ARID2: variants seen among roughly 807,000 people sequenced by gnomAD.
The protein encoded by ARID2 is AT-rich interactive domain-containing protein 2.
A neutral mutation model predicts 184.6 loss-of-function variants in ARID2; 32 were observed. That is an observed-to-expected ratio of 0.17 (90% CI 0.13 to 0.23). The LOEUF (loss-of-function observed/expected upper bound fraction) is 0.23. Ranked by LOEUF, ARID2 falls within the 10% of genes least tolerant of loss-of-function variation. ARID2 has a pLI of 1.00. For synonymous variants in ARID2, 836 were observed against 772.6 expected, an observed-to-expected ratio of 1.08 and a Z score of -1.36; for missense variants, 1,696 against 2,197.6, an observed-to-expected ratio of 0.77 and a Z score of 4.56.
intron 3 of ARID2, among the ~76,000 whole-genome samples, chr12:45,774,047 T>C (rs1348748981): frequency 4.6e-5 from 7 of 152,180 alleles, no homozygotes; most frequent in Admixed American, 4.6e-4. Flanking sequence ...GTAACTAGTT[T>C]ATAAAACTTT....
At chr12:45,858,316 A>T (rs1396881486) in intron 15 of ARID2, among the ~76,000 whole-genome samples, 1 of 152,040 alleles carries the variant, frequency 6.6e-6, no homozygotes, top group African/African-American at 2.4e-5. Flanking sequence ...AACTGTGATC[A>T]CGCCATTGCA....
At chr12:45,801,044 T>C (rs1942488407) in intron 3 of ARID2, among the ~76,000 whole-genome samples, 1 of 152,018 alleles carries the variant, frequency 6.6e-6, no homozygotes. Flanking sequence ...AAAAATTACT[T>C]TCTCACGCCT....
chr12:45,766,982 A>C (rs924717988), intron 3 of ARID2, among the ~76,000 whole-genome samples: 2 of 152,080 alleles, frequency 1.3e-5, no homozygotes, highest in East Asian at 1.9e-4. Flanking sequence ...ACAAAACAAA[A>C]AACAACAACA....
At chr12:45,899,741 T>TA (rs1565645015) in intron 20 of ARID2, among the ~76,000 whole-genome samples, 10 of 105,104 alleles carry the variant, frequency 9.5e-5, no homozygotes, top group Non-Finnish European at 2.1e-4. Context: ...ATATATGGTT[T>TA]TATATATATA....
chr12:45,747,923 A>G (rs1010986186), intron 3 of ARID2, among the ~76,000 whole-genome samples: 8 of 152,162 alleles, frequency 5.3e-5, no homozygotes, highest in African/African-American at 1.9e-4. Context: ...CATGCCTGAG[A>G]GATGCTGTGG....
At chr12:45,892,757 G>T (rs769335733) in intron 18 of ARID2, among the ~76,000 whole-genome samples, 6 of 151,952 alleles carry the variant, frequency 3.9e-5, no homozygotes, top group Non-Finnish European at 8.8e-5. Flanking sequence ...CACTATATCT[G>T]CTTGGTGAAA....
intron 6 of ARID2, among the ~76,000 whole-genome samples, chr12:45,827,324 T>G (rs1393372582): frequency 2.0e-5 from 3 of 152,162 alleles, no homozygotes; most frequent in Admixed American, 6.6e-5. Context: ...TCTGATAATA[T>G]CTGATAAGAA....
At position 45,850,406 on chromosome 12, in the gene ARID2, A is replaced by G. The variant is rs1565622333; in HGVS notation, c.2283A>G (p.Thr761=). The G allele has an allele frequency of 3.1e-6, 5 of 1,613,950 alleles. No individual in the cohort carries two copies. Among genetic ancestry groups the G allele is most frequent in the Non-Finnish European group, 4.2e-6 (5 of 1,179,982 alleles). Reference sequence around the variant, plus strand: ...CTGTTACAGTTGTGAATTCTCAGACATTGCTTCACCATCCATCTGTAATTC... The same window carrying G: ...CTGTTACAGTTGTGAATTCTCAGACGTTGCTTCACCATCCATCTGTAATTC... ...PQPVTVVNSQ[T]LLHHPSVIPQ... Residue 761 remains threonine, a synonymous_variant, in exon 15 of 21, where the codon ACA becomes ACG. Coordinates refer to ENST00000334344, the MANE Select transcript of ARID2 (RefSeq NM_152641.4).
chr12:45,736,125 A>G (rs1007189599), intron 3 of ARID2, among the ~76,000 whole-genome samples: 2 of 152,218 alleles, frequency 1.3e-5, no homozygotes, highest in Non-Finnish European at 2.9e-5. Flanking sequence ...TGGGAGGCCA[A>G]GGCAGGCGAA....
chr12:45,874,406 T>TA (rs1345324151), intron 16 of ARID2: 1 of 194,270 alleles, frequency 5.1e-6, no homozygotes, highest in Non-Finnish European at 1.0e-5. Flanking sequence ...TGTAATATTC[T>TA]AAAGCCTTTG....
chr12:45,824,575 A>G (rs1445047816), intron 6 of ARID2, among the ~76,000 whole-genome samples: 2 of 152,098 alleles, frequency 1.3e-5, no homozygotes, highest in East Asian at 3.9e-4. Flanking sequence ...CCACAATGAG[A>G]TATCATCTCA....
intron 16 of ARID2, among the ~76,000 whole-genome samples, chr12:45,884,812 C>T (rs1299631799): frequency 6.6e-6 from 1 of 152,100 alleles, no homozygotes; most frequent in Non-Finnish European, 1.5e-5. Context: ...CAAAAGCCCC[C>T]CAAGAAGGCC....
At chr12:45,884,625 G>A (rs764817375) in intron 16 of ARID2, among the ~76,000 whole-genome samples, 2 of 152,162 alleles carry the variant, frequency 1.3e-5, no homozygotes, top group East Asian at 1.9e-4. Context: ...AGCACTTGAT[G>A]TGGGAAGGTC....
At chr12:45,749,897 C>G (rs1941427423) in intron 3 of ARID2, among the ~76,000 whole-genome samples, 1 of 152,184 alleles carries the variant, frequency 6.6e-6, no homozygotes, top group Admixed American at 6.5e-5. Flanking sequence ...AAAGGAATGT[C>G]TGGCTGGTTT....
chr12:45,902,501 G>A (rs1944472412), intron 20 of ARID2, among the ~76,000 whole-genome samples: 2 of 151,706 alleles, frequency 1.3e-5, no homozygotes. Flanking sequence ...GGGAAAAACT[G>A]ATTGTACTTT....
rs2138232035 is a variant in ARID2, at chr12:45,891,816, A to G, written c.4959A>G (p.Ala1653=). 1 of 1,614,214 alleles carries G rather than the reference A, an allele frequency of 6.2e-7. No homozygotes were observed. The highest frequency in any genetic ancestry group is 8.5e-7 in the Non-Finnish European group (1 of 1,180,016). The change falls in exon 17 of 21, where the codon GCA becomes GCG. Residue 1653 remains alanine, a synonymous_variant. Transcript: ENST00000334344. ...FQTPSQVFYH[A]ATEHGGKDVY... ...CACCCTCACAGGTTTTCTACCATGC[A>G]GCAACTGAACATGGAGGAAAAGATG...
intron 2 of ARID2, among the ~76,000 whole-genome samples, chr12:45,730,464 C>T (rs541852437): frequency 6.7e-6 from 1 of 149,954 alleles, no homozygotes; most frequent in Non-Finnish European, 1.5e-5. Flanking sequence ...GCCCCGCGCC[C>T]GCCCCGCTCC....
chr12:45,783,108 T>TGGA (rs1942127715), intron 3 of ARID2, among the ~76,000 whole-genome samples: 1 of 151,478 alleles, frequency 6.6e-6, no homozygotes, highest in Admixed American at 6.6e-5. Flanking sequence ...TACTCCACCC[T>TGGA]GGATGACAGA....
intron 20 of ARID2, among the ~76,000 whole-genome samples, chr12:45,899,554 C>T (rs193196167): frequency 7.9e-4 from 118 of 149,394 alleles, no homozygotes; most frequent in African/African-American, 2.7e-3. Context: ...TGCAGTGAAC[C>T]GAGATCCCAC....
Sources: gnomAD v4.1 joint callset for allele counts (sites outside exome capture counted in the v4.1 genomes callset) on GRCh38, gnomAD v4.1.1 for gene constraint, MANE v1.5 for transcripts, NCBI Gene and HGNC (gene_info 2026-07-23, HGNC 2026-07-21) for gene names.